Variants in GRIA3 observed in about 807,000 individuals in gnomAD.
GRIA3 encodes glutamate receptor 3.
In GRIA3, 3 loss-of-function variants were observed where a neutral mutation model predicts 63.0. That is an observed-to-expected ratio of 0.05 (90% confidence interval 0.02 to 0.12). The LOEUF (loss-of-function observed/expected upper bound fraction) is 0.12, where lower values mean the gene tolerates loss of function less well. Among genes scored for constraint, GRIA3 ranks in the 10% least tolerant of loss-of-function variants. The probability of loss-of-function intolerance (pLI) is 1.00; values close to 1 mark genes in which losing one functional copy is unlikely to be tolerated. For missense variants in GRIA3, 347 were observed against 700.9 expected, an observed-to-expected ratio of 0.50 and a Z score of 5.70; for synonymous variants, 274 against 257.9, an observed-to-expected ratio of 1.06 and a Z score of -0.60.
intron 5 of GRIA3, among the ~76,000 whole-genome samples, chrX:123,361,945 A>G (rs1440357207): frequency 1.8e-5 from 2 of 112,009 alleles, no homozygotes; most frequent in African/African-American, 6.5e-5. Context: ...TATATAAAAT[A>G]TAAGTTCAGT....
chrX:123,196,893 A>G (rs1927589100), intron 2 of GRIA3, among the ~76,000 whole-genome samples: 1 of 112,181 alleles, frequency 8.9e-6, no homozygotes, highest in Non-Finnish European at 1.9e-5. Flanking sequence ...GTATTTCCAA[A>G]TGAGGGTAAC....
intron 5 of GRIA3, among the ~76,000 whole-genome samples, chrX:123,374,531 T>C (rs967347193): frequency 1.8e-5 from 2 of 112,064 alleles, no homozygotes; most frequent in Non-Finnish European, 3.8e-5. Flanking sequence ...CTTTATTTCG[T>C]TGAGCAGTGT....
At chrX:123,385,806 T>C (rs1209003187) in intron 5 of GRIA3, among the ~76,000 whole-genome samples, 1 of 111,838 alleles carries the variant, frequency 8.9e-6, no homozygotes, top group Non-Finnish European at 1.9e-5. Context: ...TTGTTGGTTA[T>C]ATATTTTCTT....
At chrX:123,381,119 T>G (rs79680966) in intron 5 of GRIA3, among the ~76,000 whole-genome samples, 11,395 of 111,613 alleles carry the variant, frequency 0.1, 533 homozygotes, top group Non-Finnish European at 0.15. Context: ...CTATATATTT[T>G]ATTCTCATCT....
At chrX:123,210,259 C>T (rs1445583351) in intron 2 of GRIA3, among the ~76,000 whole-genome samples, 1 of 107,854 alleles carries the variant, frequency 9.3e-6, no homozygotes, top group Non-Finnish European at 1.9e-5. Flanking sequence ...TTTCCTATCC[C>T]ACATTCTGTT....
intron 12 of GRIA3, among the ~76,000 whole-genome samples, chrX:123,447,409 CTATT>C (rs1419043847): frequency 8.9e-6 from 1 of 112,130 alleles, no homozygotes; most frequent in East Asian, 2.8e-4. Flanking sequence ...TGCAGTTTGA[CTATT>C]TATCTTCACT....
At position 123,317,330 on chromosome X, in the gene GRIA3, A is replaced by T. The variant is rs764011223; in HGVS notation, c.509-8696A>T. Among the ~76,000 whole-genome samples, 3 of 111,100 alleles carry T rather than the reference A, an allele frequency of 2.7e-5. No homozygotes were observed. The South Asian group carries it at 1.2e-3, about 43-fold the overall frequency. ...CTCATGTCCTCACATTTCAAAACCA[A>T]TCATGCCTTCCCAACAGTCCCCCAA... On this transcript the variant is annotated intron_variant, in intron 3 of 15. Coordinates refer to ENST00000620443, the MANE Select transcript of GRIA3 (RefSeq NM_007325.5).
At chrX:123,299,756 C>T (rs747356321) in intron 3 of GRIA3, among the ~76,000 whole-genome samples, 2 of 111,239 alleles carry the variant, frequency 1.8e-5, no homozygotes, top group African/African-American at 6.5e-5. Flanking sequence ...CCAGAACTTC[C>T]AATACTATGC....
At chrX:123,279,383 A>T (rs1369770309) in intron 3 of GRIA3, among the ~76,000 whole-genome samples, 1 of 112,063 alleles carries the variant, frequency 8.9e-6, no homozygotes, top group African/African-American at 3.2e-5. Flanking sequence ...CTCTTACCAC[A>T]AAAATAATAA....
chrX:123,282,950 T>C (rs2044594897), intron 3 of GRIA3, among the ~76,000 whole-genome samples: 1 of 111,736 alleles, frequency 8.9e-6, no homozygotes, highest in Admixed American at 9.4e-5. Flanking sequence ...CATGGGTGGC[T>C]GGCAAGACGG....
intron 12 of GRIA3, among the ~76,000 whole-genome samples, chrX:123,434,938 C>A (rs951699318): frequency 4.4e-5 from 5 of 112,360 alleles, no homozygotes; most frequent in African/African-American, 1.6e-4. Context: ...CCTGATATTC[C>A]ATTATTTATT....
chrX:123,295,856 C>A (rs1309993073), intron 3 of GRIA3, among the ~76,000 whole-genome samples: 1 of 110,751 alleles, frequency 9.0e-6, no homozygotes, highest in Non-Finnish European at 1.9e-5. Flanking sequence ...ATTGCCTATA[C>A]CTCTTTTCTA....
chrX:123,427,444 T>A (rs1268388758), intron 11 of GRIA3, among the ~76,000 whole-genome samples: 1 of 111,968 alleles, frequency 8.9e-6, no homozygotes, highest in Non-Finnish European at 1.9e-5. Context: ...GAAAACCATT[T>A]GCTTCTACAG....
intron 3 of GRIA3, among the ~76,000 whole-genome samples, chrX:123,292,451 A>G (rs1440700245): frequency 9.0e-6 from 1 of 110,753 alleles, no homozygotes; most frequent in Non-Finnish European, 1.9e-5. Flanking sequence ...ACTAGTCGGT[A>G]CAAAGGACTT....
chrX:123,278,034 A>G (rs897218405), intron 3 of GRIA3, among the ~76,000 whole-genome samples: 1 of 112,072 alleles, frequency 8.9e-6, no homozygotes, highest in African/African-American at 3.2e-5. Context: ...CAAAATAGTT[A>G]CCTAGGTCCC....
chrX:123,283,848 C>T (rs2044601536), intron 3 of GRIA3, among the ~76,000 whole-genome samples: 1 of 112,850 alleles, frequency 8.9e-6, no homozygotes, highest in Non-Finnish European at 1.9e-5. Flanking sequence ...TTCCTGCCTG[C>T]TGGCTCTGAA....
intron 2 of GRIA3, among the ~76,000 whole-genome samples, chrX:123,234,240 G>A (rs1368403197): frequency 1.8e-5 from 2 of 110,914 alleles, no homozygotes; most frequent in African/African-American, 3.3e-5. Flanking sequence ...TATGACTCTG[G>A]CTTAAGCAGG....
In GRIA3 at chrX:123,212,422, T is replaced by A. The variant is rs184774749; in HGVS notation, c.268+26432T>A. ...CATTTTGTAGATCAGAATGTTTACT[T>A]CTCTAGAAGTATCTTCATCTTTTGG... is the stretch of plus-strand genomic sequence containing the variant. On this transcript the variant is annotated intron_variant, in intron 2 of 15. Transcript: ENST00000620443. Among the ~76,000 whole-genome samples the A allele has an allele frequency of 8.9e-5, 10 of 112,095 alleles. No homozygotes were observed. The East Asian group carries it at 2.8e-3, about 31-fold the overall frequency.
intron 12 of GRIA3, among the ~76,000 whole-genome samples, chrX:123,429,568 C>T (rs754336327): frequency 8.9e-6 from 1 of 111,995 alleles, no homozygotes; most frequent in Non-Finnish European, 1.9e-5. Context: ...CATGAAATCA[C>T]TCACATTTAT....
Sources: allele counts gnomAD v4.1 joint callset (sites outside exome capture counted in the v4.1 genomes callset), GRCh38; gene constraint gnomAD v4.1.1; transcripts MANE v1.5; gene names NCBI Gene and HGNC (gene_info 2026-07-23, HGNC 2026-07-21).